TMEM80: variants seen among roughly 807,000 people sequenced by gnomAD.
TMEM80 encodes transmembrane protein 80.
TMEM80 carries 16 observed loss-of-function variants against 13.6 expected under a neutral mutation model. That is an observed-to-expected ratio of 1.17 (90% CI 0.79 to 1.78). The LOEUF (loss-of-function observed/expected upper bound fraction) is 1.78. Among genes scored for constraint, TMEM80 ranks in the 40% most tolerant of loss-of-function variants. TMEM80 has a pLI of 0.00. For synonymous variants in TMEM80, 92 were observed against 89.5 expected (o/e 1.03, Z -0.16); for missense variants, 167 against 184.6 (o/e 0.90, Z 0.55).
downstream of TMEM80, chr11:704,906 G>T (rs925994610): frequency 2.8e-6 from 1 of 354,038 alleles, no homozygotes; most frequent in Non-Finnish European, 5.6e-6. Flanking sequence ...CAGGAAGGGT[G>T]AGGGCACGGG....
At chr11:701,298 G>A (rs1278184383) in intron 4 of TMEM80, among the ~76,000 whole-genome samples, 1 of 151,736 alleles carries the variant, frequency 6.6e-6, no homozygotes, top group Admixed American at 6.6e-5. Context: ...TCCTGCCTCA[G>A]CCCTCCCCTC....
Position 703,671 on chromosome 11 carries a change from C to T in TMEM80, c.*521C>T. Reference sequence around the variant, plus strand: ...GGTAGGCCTTGTGCTCTGAGCAACCCCAGCTCTGCCTCACAGGCAGGCAGG... The same window carrying T: ...GGTAGGCCTTGTGCTCTGAGCAACCTCAGCTCTGCCTCACAGGCAGGCAGG... On this transcript the variant is annotated 3_prime_UTR_variant, in exon 5 of 5. Coordinates refer to ENST00000397510, the MANE Select transcript of TMEM80 (RefSeq NM_001042463.3). The T allele has an allele frequency of 2.4e-6, 3 of 1,232,408 alleles. No individual in the cohort carries two copies. Among genetic ancestry groups the T allele is most frequent in the East Asian group, 3.2e-5 (1 of 31,716 alleles). The allele number at this position is 1,232,408 out of a possible 1,614,324, so 76.3% of individuals were successfully genotyped here. A position where few individuals can be genotyped will look rare whatever the true frequency, so the allele number is the denominator to read the frequency against.
chr11:703,181 G>A lies in TMEM80; in HGVS notation c.*31G>A, dbSNP rs748781792. On this transcript the variant is annotated 3_prime_UTR_variant, in exon 5 of 5. Coordinates refer to ENST00000397510, the MANE Select transcript of TMEM80 (RefSeq NM_001042463.3). ...GACACCCGGGATACCCCACACTGGGGCCCTCCTCCTGGGCCTGACCAGTCC... is the reference window on the plus strand; with the variant it reads ...GACACCCGGGATACCCCACACTGGGACCCTCCTCCTGGGCCTGACCAGTCC... 6.3e-7 allele frequency: 1 copy of A among 1,577,876 alleles called. No individual in the cohort carries two copies. Among genetic ancestry groups the A allele is most frequent in the East Asian group, 2.3e-5 (1 of 43,502 alleles).
At position 700,695 on chromosome 11, in the gene TMEM80, C is replaced by T. The variant is rs753750484; in HGVS notation, c.214C>T (p.Arg72Trp). Residue 72 changes from arginine to tryptophan, a missense_variant, in exon 4 of 5, where the codon CGG becomes TGG. Transcript: ENST00000397510. ...LFLMGILEAV[R>W]LYLGTRGNLT... ...TCTGATGGGGATTCTAGAAGCAGTT[C>T]GGTTATACCTGGGTGAGTGGACTGT... is the stretch of plus-strand genomic sequence containing the variant. The T allele has an allele frequency of 4.5e-5, 73 of 1,613,894 alleles. No homozygotes were observed. The highest frequency in any genetic ancestry group is 1.6e-4 in the Middle Eastern group (1 of 6,084).
Position 698,852 on chromosome 11 carries a change from G to C in TMEM80, c.20-17G>C. ...TGGTGGCTGTCAGGCCTTGCTCACGGCCCCTTTCTCTTTCAGGGAGAGGAT... is the reference window on the plus strand; with the variant it reads ...TGGTGGCTGTCAGGCCTTGCTCACGCCCCCTTTCTCTTTCAGGGAGAGGAT... On this transcript the variant is annotated splice_polypyrimidine_tract_variant and intron_variant, in intron 1 of 4. Transcript: ENST00000397510. The C allele has an allele frequency of 6.2e-7, 1 of 1,614,128 alleles. No homozygotes were observed. The highest frequency in any genetic ancestry group is 1.7e-5 in the Admixed American group (1 of 60,006).
At chr11:697,261 A>C (rs900303392) in intron 1 of TMEM80, among the ~76,000 whole-genome samples, 2 of 151,920 alleles carry the variant, frequency 1.3e-5, no homozygotes, top group Non-Finnish European at 2.9e-5. Context: ...CTCTAAAAAA[A>C]CTAAGTGTAT....
intron 3 of TMEM80, 54 bp downstream of exon 3, chr11:700,289 G>A: frequency 6.8e-7 from 1 of 1,481,278 alleles, no homozygotes; most frequent in South Asian, 1.1e-5. Flanking sequence ...CATTTTGGGA[G>A]GCTGAGGTGG....
At chr11:700,728 G>A (rs373357246) in intron 4 of TMEM80, 21 bp downstream of exon 4, 75 of 1,584,124 alleles carry the variant, frequency 4.7e-5, no homozygotes, top group Non-Finnish European at 6.0e-5. Flanking sequence ...TGTTAACACC[G>A]TGAAGAACCT....
chr11:698,934 T>C (rs1241893047), intron 2 of TMEM80, 46 bp downstream of exon 2: 5 of 1,612,970 alleles, frequency 3.1e-6, no homozygotes, highest in East Asian at 4.5e-5. Flanking sequence ...GAGGCCCGAA[T>C]TGCTGCTGCA....
chr11:701,406 C>CT (rs71022955), intron 4 of TMEM80, among the ~76,000 whole-genome samples: 6,709 of 65,002 alleles, frequency 0.1, 736 homozygotes, highest in South Asian at 0.21. Context: ...GACAAGGTTT[C>CT]TTTTTTTTTT....
At chr11:699,046 A>C in intron 2 of TMEM80, 158 bp downstream of exon 2, 1 of 847,748 alleles carries the variant, frequency 1.2e-6, no homozygotes, top group South Asian at 1.4e-5. Context: ...AGTTGATGTA[A>C]CTTCCTCGGA....
chr11:703,767 C>T lies in TMEM80; in HGVS notation c.*617C>T. ...ACAAGCCAACAGCTCTGCTGCCTAG[C>T]AATTTCCATCTTAGCCACACTTCTC... On this transcript the variant is annotated 3_prime_UTR_variant, in exon 5 of 5. Transcript: ENST00000397510. 3.2e-6 allele frequency: 4 copies of T among 1,232,970 alleles called. No individual in the cohort carries two copies. Among genetic ancestry groups the T allele is most frequent in the Non-Finnish European group, 4.0e-6 (4 of 988,922 alleles). 76.4% of individuals were successfully genotyped at this position (1,232,970 alleles called of 1,614,324 possible).
intron 2 of TMEM80, chr11:699,334 C>G (rs1861339765): frequency 5.0e-6 from 1 of 199,098 alleles, no homozygotes; most frequent in Non-Finnish European, 1.0e-5. Flanking sequence ...CAGGCGGGAG[C>G]CACTGTGCCT....
intron 4 of TMEM80, chr11:701,073 G>A: frequency 3.4e-6 from 1 of 291,818 alleles, no homozygotes; most frequent in Non-Finnish European, 6.7e-6. Flanking sequence ...TGAGGAGAGA[G>A]CCCTGGAGAG....
chr11:700,654 A>G lies in TMEM80; in HGVS notation c.173A>G (p.Asp58Gly). 6.2e-7 allele frequency: 1 copy of G among 1,613,956 alleles called. No homozygotes were observed. The highest frequency in any genetic ancestry group is 8.5e-7 in the Non-Finnish European group (1 of 1,180,010). The part of the protein sequence containing the change: ...FSYPHRYLVL[D>G]LALLFLMGIL... ...TATCCTCACCGCTACCTGGTCCTCG[A>G]TCTTGCTCTGCTGTTTCTGATGGGG... The change falls in exon 4 of 5, where the codon GAT becomes GGT. Residue 58 changes from aspartate (D) to glycine (G), a missense_variant. By Grantham distance (94) the Asp-to-Gly change is moderately conservative. Coordinates refer to ENST00000397510, the MANE Select transcript of TMEM80 (RefSeq NM_001042463.3).
intron 3 of TMEM80, 48 bp downstream of exon 3, chr11:700,283 T>G (rs1158898703): frequency 6.5e-7 from 1 of 1,547,982 alleles, no homozygotes; most frequent in Admixed American, 1.7e-5. Flanking sequence ...TCCCAACATT[T>G]TGGGAGGCTG....
chr11:703,265 T>G lies in TMEM80; in HGVS notation c.*115T>G, dbSNP rs1590040117. ...GGGCACTTTTCCTAGTGACTGGCCATAGATGGTTTTGGATGGTTCCATCTG... is the reference window on the plus strand; with the variant it reads ...GGGCACTTTTCCTAGTGACTGGCCAGAGATGGTTTTGGATGGTTCCATCTG... On this transcript the variant is annotated 3_prime_UTR_variant, in exon 5 of 5. Coordinates refer to ENST00000397510, the MANE Select transcript of TMEM80 (RefSeq NM_001042463.3). 7.6e-6 allele frequency: 11 copies of G among 1,451,346 alleles called. No homozygotes were observed. In the East Asian group the frequency reaches 2.8e-4, roughly 37 times the overall value. 89.9% of individuals were successfully genotyped at this position (1,451,346 alleles called of 1,614,324 possible). A position where few individuals can be genotyped will look rare whatever the true frequency, so the allele number is the denominator to read the frequency against.
rs7945422 is a variant in TMEM80, at chr11:695,854, C to T, written c.19+8C>T. On this transcript the variant is annotated splice_region_variant and intron_variant, in intron 1 of 4. Coordinates refer to ENST00000397510, the MANE Select transcript of TMEM80 (RefSeq NM_001042463.3). Reference sequence around the variant, plus strand: ...TGGCGGCCCCGCGGCGAGGTGAGCTCGGGCGGGGTGGGGGCTTCCGGGCTT... The same window carrying T: ...TGGCGGCCCCGCGGCGAGGTGAGCTTGGGCGGGGTGGGGGCTTCCGGGCTT... The T allele has an allele frequency of 0.17, 214,737 of 1,230,444 alleles. 20,032 individuals carry two copies. Among genetic ancestry groups the T allele is most frequent in the African/African-American group, 0.34 (22,071 of 64,332 alleles). The allele number at this position is 1,230,444 out of a possible 1,614,324, so 76.2% of individuals were successfully genotyped here.
intron 3 of TMEM80, 91 bp from the exon 4 acceptor site, chr11:700,523 TC>T: frequency 2.1e-6 from 2 of 968,742 alleles, no homozygotes; most frequent in Non-Finnish European, 3.2e-6. Flanking sequence ...CAAGACCCTG[TC>T]TCAAAAAAAA....
Sources: allele counts gnomAD v4.1 joint callset (sites outside exome capture counted in the v4.1 genomes callset), GRCh38; gene constraint gnomAD v4.1.1; transcripts MANE v1.5; gene names NCBI Gene and HGNC (gene_info 2026-07-23, HGNC 2026-07-21).